The following STMN2 variants were observed in gnomAD, a reference collection of about 807,000 sequenced individuals.
STMN2 encodes stathmin-2.
Under a neutral mutation model 24.1 loss-of-function variants are expected in STMN2, and 2 were observed. That is an observed-to-expected ratio of 0.08 (90% CI 0.03 to 0.26). The LOEUF (loss-of-function observed/expected upper bound fraction) is 0.26, where lower values mean the gene tolerates loss of function less well. Among genes scored for constraint, STMN2 ranks in the 10% least tolerant of loss-of-function variants. The probability of loss-of-function intolerance (pLI) is 1.00; values close to 1 mark genes in which losing one functional copy is unlikely to be tolerated. For synonymous variants in STMN2, 83 were observed against 77.5 expected (o/e 1.07, Z -0.37); for missense variants, 114 against 213.6 (o/e 0.53, Z 2.91).
intron 2 of STMN2, 83 bp from the exon 3 acceptor site, chr8:79,641,295 C>T: frequency 6.9e-7 from 1 of 1,444,576 alleles, no homozygotes; most frequent in Non-Finnish European, 9.3e-7. Context: ...AACGCTACTT[C>T]CAATTGCTGG....
intron 4 of STMN2, among the ~76,000 whole-genome samples, chr8:79,661,798 A>G (rs16907056): frequency 6.6e-6 from 1 of 152,000 alleles, no homozygotes; most frequent in Non-Finnish European, 1.5e-5. Flanking sequence ...CCTTTTTACT[A>G]TCTGCCCATG....
intron 1 of STMN2, among the ~76,000 whole-genome samples, chr8:79,615,299 T>G (rs966671383): frequency 1.3e-5 from 2 of 152,218 alleles, no homozygotes; most frequent in South Asian, 2.1e-4. Flanking sequence ...GGTAGCTCAT[T>G]GCTCACAGGA....
intron 3 of STMN2, among the ~76,000 whole-genome samples, chr8:79,654,013 T>C (rs1217205794): frequency 6.6e-6 from 1 of 152,182 alleles, no homozygotes; most frequent in Non-Finnish European, 1.5e-5. Flanking sequence ...AAAGGTAGAC[T>C]GGACTACCTG....
chr8:79,630,291 TAA>T (rs1809768116), intron 1 of STMN2, among the ~76,000 whole-genome samples: 1 of 152,246 alleles, frequency 6.6e-6, no homozygotes, highest in African/African-American at 2.4e-5. Context: ...TGCAGTGTGA[TAA>T]AAGTCTCGCA....
chr8:79,619,675 A>G (rs1809465758), intron 1 of STMN2, among the ~76,000 whole-genome samples: 1 of 152,170 alleles, frequency 6.6e-6, no homozygotes, highest in Non-Finnish European at 1.5e-5. Flanking sequence ...AATTATTTTT[A>G]TTAATGCAGA....
intron 3 of STMN2, 78 bp downstream of exon 3, chr8:79,641,628 G>GCACACACACACA (rs61386841): frequency 1.1e-4 from 49 of 431,778 alleles, no homozygotes; most frequent in South Asian, 3.5e-4. Flanking sequence ...ACACATGCAC[G>GCACACACACACA]CACACACACA....
chr8:79,663,696 A>T (rs1036684755), intron 4 of STMN2: 1 of 1,422,312 alleles, frequency 7.0e-7, no homozygotes, highest in Non-Finnish European at 9.4e-7. Context: ...AAATAATACT[A>T]CTAATAATTA....
At chr8:79,658,852 G>A (rs1325563167) in intron 4 of STMN2, among the ~76,000 whole-genome samples, 1 of 152,186 alleles carries the variant, frequency 6.6e-6, no homozygotes, top group Non-Finnish European at 1.5e-5. Flanking sequence ...AAAACTGAAA[G>A]CCTAAAGCAA....
chr8:79,655,946 C>A (rs1456033751), intron 4 of STMN2, among the ~76,000 whole-genome samples: 1 of 152,128 alleles, frequency 6.6e-6, no homozygotes, highest in East Asian at 1.9e-4. Flanking sequence ...AGATGCAGAG[C>A]AAAACAGGAG....
chr8:79,643,227 A>G (rs1485049226), intron 3 of STMN2, among the ~76,000 whole-genome samples: 1 of 137,836 alleles, frequency 7.3e-6, no homozygotes, highest in Non-Finnish European at 1.6e-5. Context: ...TACTAACTCG[A>G]CTATATATAT....
At chr8:79,645,352 A>T (rs1018561504) in intron 3 of STMN2, among the ~76,000 whole-genome samples, 3 of 152,198 alleles carry the variant, frequency 2.0e-5, no homozygotes, top group African/African-American at 7.2e-5. Flanking sequence ...TATTTTATTC[A>T]TACTAAGTGT....
intron 1 of STMN2, chr8:79,611,813 T>G (rs1321400948): frequency 8.5e-5 from 47 of 555,644 alleles, no homozygotes; most frequent in Admixed American, 5.1e-4. Context: ...GGGGACAGGG[T>G]GGGGGTAGGA....
intron 3 of STMN2, among the ~76,000 whole-genome samples, chr8:79,652,712 T>C (rs1457788187): frequency 6.6e-6 from 1 of 152,064 alleles, no homozygotes; most frequent in East Asian, 1.9e-4. Flanking sequence ...TTAAATACCT[T>C]GCAAACATTA....
chr8:79,652,282 G>C (rs924237202), intron 3 of STMN2, among the ~76,000 whole-genome samples: 1 of 152,160 alleles, frequency 6.6e-6, no homozygotes, highest in African/African-American at 2.4e-5. Flanking sequence ...CCCTTGTTTT[G>C]TGATAATCCA....
chr8:79,645,881 G>GTA (rs1810206580), intron 3 of STMN2, among the ~76,000 whole-genome samples: 1 of 151,950 alleles, frequency 6.6e-6, no homozygotes, highest in Non-Finnish European at 1.5e-5. Context: ...TGGCATATTA[G>GTA]TATATATATG....
intron 1 of STMN2, chr8:79,611,742 G>A (rs1173267353): frequency 1.2e-5 from 12 of 984,760 alleles, no homozygotes; most frequent in Non-Finnish European, 1.4e-5. Context: ...CACATTTTAC[G>A]GTATTGTCTC....
intron 1 of STMN2, among the ~76,000 whole-genome samples, chr8:79,624,707 C>T (rs1809611564): frequency 6.6e-6 from 1 of 152,098 alleles, no homozygotes; most frequent in Non-Finnish European, 1.5e-5. Context: ...GTGAGGATAG[C>T]CAGCTAAGAA....
intron 4 of STMN2, chr8:79,663,654 G>A: frequency 6.6e-7 from 1 of 1,526,082 alleles, no homozygotes; most frequent in East Asian, 2.5e-5. Context: ...GGGAAGGAGA[G>A]AAGCAATGTA....
At chr8:79,631,891 T>C (rs369269719) in intron 1 of STMN2, among the ~76,000 whole-genome samples, 1 of 152,192 alleles carries the variant, frequency 6.6e-6, no homozygotes, top group Non-Finnish European at 1.5e-5. Context: ...TATTTCCTTA[T>C]GAAAAGAAAA....
Sources: gnomAD v4.1 joint callset for allele counts (sites outside exome capture counted in the v4.1 genomes callset) on GRCh38, gnomAD v4.1.1 for gene constraint, MANE v1.5 for transcripts, NCBI Gene and HGNC (gene_info 2026-07-23, HGNC 2026-07-21) for gene names.